Variants in DDX46 observed in about 807,000 individuals in gnomAD.
The protein encoded by DDX46 is probable ATP-dependent RNA helicase DDX46.
In DDX46, 30 loss-of-function variants were observed where a neutral mutation model predicts 134.9. That is an observed-to-expected ratio of 0.22 (90% CI 0.17 to 0.30). The LOEUF is 0.30. Ranked by LOEUF, DDX46 falls within the 10% of genes least tolerant of loss-of-function variation. DDX46 has a pLI of 1.00. For synonymous variants in DDX46, 415 were observed against 404.1 expected (o/e 1.03, Z -0.32); for missense variants, 622 against 1,248.7 (o/e 0.50, Z 7.56).
intron 11 of DDX46, among the ~76,000 whole-genome samples, chr5:134,788,091 A>G (rs374452253): frequency 2.6e-5 from 4 of 152,050 alleles, no homozygotes; most frequent in East Asian, 3.9e-4. Context: ...TAATGTGGCA[A>G]CCCTCAATTT....
In DDX46 at chr5:134,797,783, T is replaced by G. The variant is rs1338228889; in HGVS notation, c.1954+1633T>G. Among the ~76,000 whole-genome samples the G allele has an allele frequency of 6.6e-5, 10 of 152,286 alleles. 1 individual carries two copies. The highest frequency in any genetic ancestry group is 4.1e-4 in the South Asian group (2 of 4,824). ...TTAAAGGGGCTTTGAAGATTTGTGT[T>G]TGGTTAACTTTTAATGTTTGAAAAT... On this transcript the variant is annotated intron_variant, in intron 15 of 22. Coordinates refer to ENST00000452510, the MANE Select transcript of DDX46 (RefSeq NM_001300860.2).
intron 21 of DDX46, among the ~76,000 whole-genome samples, chr5:134,821,962 G>A (rs890443143): frequency 1.4e-5 from 2 of 146,664 alleles, no homozygotes; most frequent in African/African-American, 2.5e-5. Context: ...GTGCTGTCTC[G>A]TCTCACTGCA....
At chr5:134,826,399 T>G (rs1261315311) in intron 21 of DDX46, 2 of 152,222 alleles carry the variant, frequency 1.3e-5, no homozygotes, top group Non-Finnish European at 2.9e-5. Context: ...CTTCTCTTAT[T>G]CTTCAATAAT....
chr5:134,781,995 A>G lies in DDX46; in HGVS notation c.954A>G (p.Leu318=), dbSNP rs2150140823. Residue 318 remains leucine, a synonymous_variant, in exon 8 of 23, where the codon CTA becomes CTG. Transcript: ENST00000452510. ...TGYQTKQRKL[L]EPVDHGKIEY... is the part of the protein sequence containing the mutation. ...ATCAAACAAAACAGCGAAAGCTTCT[A>G]GAACCAGTTGATCATGGAAAAATTG... is the stretch of plus-strand genomic sequence containing the variant. 6.2e-7 allele frequency: 1 copy of G among 1,610,824 alleles called. No homozygotes were observed. Among genetic ancestry groups the G allele is most frequent in the Non-Finnish European group, 8.5e-7 (1 of 1,179,380 alleles).
chr5:134,788,531 G>A lies in DDX46; in HGVS notation c.1483G>A (p.Gly495Ser). ...TTATTAGATTGCTGAGCTGAAAAGA[G>A]GTGCTGAAATTATTGTTTGCACACC... is the stretch of plus-strand genomic sequence containing the variant. ...ISEQIAELKRGAEIIVCTPGR... is the reference protein window; with the variant it reads ...ISEQIAELKRSAEIIVCTPGR... Residue 495 changes from glycine to serine, a missense_variant, in exon 12 of 23, where the codon GGT (glycine) becomes AGT (serine). Transcript: ENST00000452510. 2 of 1,613,868 alleles carry A rather than the reference G, an allele frequency of 1.2e-6. No homozygotes were observed. Among genetic ancestry groups the A allele is most frequent in the Non-Finnish European group, 1.7e-6 (2 of 1,179,864 alleles).
rs976099794 is a variant in DDX46, at chr5:134,829,069, C to T, written c.*363C>T. 3 of 161,174 alleles carry T rather than the reference C, an allele frequency of 1.9e-5. No individual in the cohort carries two copies. The highest frequency in any genetic ancestry group is 7.2e-5 in the African/African-American group (3 of 41,906). 10.0% of individuals were successfully genotyped at this position (161,174 alleles called of 1,614,324 possible). On this transcript the variant is annotated 3_prime_UTR_variant, in exon 23 of 23. Coordinates refer to ENST00000452510, the MANE Select transcript of DDX46 (RefSeq NM_001300860.2). ...GGCTATTCACTTTATCCTGTACTTT[C>T]AATGAAATTGTGATCATTTCCTAAG...
intron 4 of DDX46, among the ~76,000 whole-genome samples, chr5:134,772,045 A>G (rs1042752081): frequency 2.0e-5 from 3 of 151,970 alleles, no homozygotes; most frequent in African/African-American, 7.3e-5. Flanking sequence ...AGCCTGACCA[A>G]CATGGTAAAA....
intron 21 of DDX46, among the ~76,000 whole-genome samples, chr5:134,825,322 C>G (rs979250679): frequency 3.3e-5 from 5 of 152,126 alleles, no homozygotes; most frequent in African/African-American, 1.2e-4. Context: ...ACCTTCCCCA[C>G]GTAGTTTTAT....
intron 1 of DDX46, 110 bp downstream of exon 1, chr5:134,759,065 G>C (rs1474712894): frequency 1.3e-6 from 2 of 1,515,460 alleles, no homozygotes; most frequent in Non-Finnish European, 8.9e-7. Context: ...CCCACGTGCG[G>C]TCAGCGCTGC....
chr5:134,814,550 T>C (rs1755236002), intron 18 of DDX46, among the ~76,000 whole-genome samples: 1 of 152,338 alleles, frequency 6.6e-6, no homozygotes, highest in East Asian at 1.9e-4. Context: ...ACGGTTTTAC[T>C]CAGGTAAATG....
chr5:134,781,407 A>ATTTT (rs902771696), intron 7 of DDX46, among the ~76,000 whole-genome samples, 161 bp downstream of exon 7: 2 of 152,188 alleles, frequency 1.3e-5, no homozygotes, highest in Admixed American at 6.5e-5. Context: ...ATCTAGTTAA[A>ATTTT]TATCTGTTTA....
At chr5:134,786,252 A>G (rs755382056) in intron 11 of DDX46, among the ~76,000 whole-genome samples, 1 of 152,176 alleles carries the variant, frequency 6.6e-6, no homozygotes, top group Non-Finnish European at 1.5e-5. Flanking sequence ...TATATCAAAC[A>G]TGTTGTACAC....
At position 134,828,744 on chromosome 5, in the gene DDX46, G is replaced by T; in HGVS notation, c.*38G>T. On this transcript the variant is annotated 3_prime_UTR_variant, in exon 23 of 23. Transcript: ENST00000452510. ...AAGATTTTTACCTGTGCTGGTCTAT[G>T]ATGTATGTGGCAGTTGCTGTCTGCA... is the stretch of plus-strand genomic sequence containing the variant. 1 of 1,392,376 alleles carries T rather than the reference G, an allele frequency of 7.2e-7. No individual in the cohort carries two copies. The allele number at this position is 1,392,376 out of a possible 1,614,324, so 86.3% of individuals were successfully genotyped here. A position where few individuals can be genotyped will look rare whatever the true frequency, so the allele number is the denominator to read the frequency against.
intron 22 of DDX46, 52 bp from the exon 23 acceptor site, chr5:134,828,607 G>GTTTTTTTTTTTTT: frequency 1.1e-6 from 1 of 912,360 alleles, no homozygotes; most frequent in Middle Eastern, 3.3e-4. Context: ...TTTTTTTTTT[G>GTTTTTTTTTTTTT]TTTTTTTTGT....
At chr5:134,778,298 A>G (rs569289593) in intron 6 of DDX46, among the ~76,000 whole-genome samples, 5 of 152,082 alleles carry the variant, frequency 3.3e-5, no homozygotes, top group South Asian at 2.1e-4. Context: ...GATTACAGGC[A>G]TGAGCCACCA....
intron 18 of DDX46, among the ~76,000 whole-genome samples, chr5:134,815,285 C>G (rs1755256082): frequency 2.0e-5 from 3 of 152,148 alleles, no homozygotes. Flanking sequence ...CCTAAATAAG[C>G]TTTTCTGTGC....
chr5:134,812,716 C>T lies in DDX46; in HGVS notation c.2436+871C>T, dbSNP rs192206748. On this transcript the variant is annotated intron_variant, in intron 18 of 22. Coordinates refer to ENST00000452510, the MANE Select transcript of DDX46 (RefSeq NM_001300860.2). ...CAGTGTCGTAATCTCAGCTCAACTGCAACCTCTGCCTCCTGGGTTCAAGCG... is the reference window on the plus strand; with the variant it reads ...CAGTGTCGTAATCTCAGCTCAACTGTAACCTCTGCCTCCTGGGTTCAAGCG... Among the ~76,000 whole-genome samples the T allele has an allele frequency of 3.3e-3, 508 of 152,114 alleles. 4 individuals are homozygous for T. Among genetic ancestry groups the T allele is most frequent in the Middle Eastern group, 0.027 (8 of 294 alleles).
rs1256282696 is a variant in DDX46, at chr5:134,808,469, CAA to C, written c.2148+530_2148+531del. On this transcript the variant is annotated intron_variant, in intron 16 of 22. Coordinates refer to ENST00000452510, the MANE Select transcript of DDX46 (RefSeq NM_001300860.2). ...GTGAAAAACTGGTTGTATAGGTACT[CAA>C]AGTACAATTTCTACTGAATGCATAT... 2.0e-5 allele frequency among the ~76,000 whole-genome samples: 3 copies of C among 152,216 alleles called. No homozygotes were observed. In the East Asian group the frequency reaches 5.8e-4, roughly 29 times the overall value.
At chr5:134,761,312 G>A (rs531539857) in intron 1 of DDX46, among the ~76,000 whole-genome samples, 2 of 152,170 alleles carry the variant, frequency 1.3e-5, no homozygotes, top group East Asian at 1.9e-4. Context: ...GGCATGAGCC[G>A]CTGTGCCCAG....
Sources: allele counts gnomAD v4.1 joint callset (sites outside exome capture counted in the v4.1 genomes callset), GRCh38; gene constraint gnomAD v4.1.1; transcripts MANE v1.5; gene names NCBI Gene and HGNC (gene_info 2026-07-23, HGNC 2026-07-21).